The following KLHL32 variants were observed in gnomAD, a reference collection of about 807,000 sequenced individuals.
KLHL32 encodes the protein kelch like family member 32.
Under a neutral mutation model 64.8 loss-of-function variants are expected in KLHL32, and 35 were observed. The ratio of observed to expected loss-of-function variants is 0.54; its 90% CI spans 0.41 to 0.72. KLHL32 has a LOEUF of 0.72. Ranked by LOEUF, KLHL32 falls within the 30% of genes least tolerant of loss-of-function variation. The pLI is 0.00. For synonymous variants in KLHL32, 259 were observed against 281.0 expected, an observed-to-expected ratio of 0.92 and a Z score of 0.78; for missense variants, 589 against 768.5, an observed-to-expected ratio of 0.77 and a Z score of 2.76.
chr6:97,021,955 A>C (rs1166496187), intron 3 of KLHL32, among the ~76,000 whole-genome samples: 1 of 150,920 alleles, frequency 6.6e-6, no homozygotes, highest in African/African-American at 2.5e-5. Flanking sequence ...GACTGCTGGC[A>C]GGTCCCCATA....
chr6:96,987,991 A>G (rs1455816447), intron 3 of KLHL32, among the ~76,000 whole-genome samples: 1 of 152,256 alleles, frequency 6.6e-6, no homozygotes, highest in Non-Finnish European at 1.5e-5. Context: ...ACCTAAAACC[A>G]TAAAAACCCT....
intron 6 of KLHL32, among the ~76,000 whole-genome samples, chr6:97,106,666 C>T (rs1796450436): frequency 6.6e-6 from 1 of 151,700 alleles, no homozygotes. Context: ...ATCGCTTGAG[C>T]CTGGGAGGCA....
intron 6 of KLHL32, among the ~76,000 whole-genome samples, chr6:97,109,460 C>T (rs1796835691): frequency 6.6e-6 from 1 of 152,172 alleles, no homozygotes; most frequent in Admixed American, 6.5e-5. Context: ...CATCATGACA[C>T]ATGTGATGTG....
intron 1 of KLHL32, among the ~76,000 whole-genome samples, chr6:96,943,385 TAAA>T (rs72275621): frequency 1.4e-5 from 2 of 140,004 alleles, no homozygotes; most frequent in Non-Finnish European, 1.6e-5. Flanking sequence ...CAAGAAGAAG[TAAA>T]AAAAAAAAAA....
intron 10 of KLHL32, among the ~76,000 whole-genome samples, chr6:97,138,176 C>G (rs1000129765): frequency 6.6e-6 from 1 of 152,188 alleles, no homozygotes. Flanking sequence ...AAAGAATTTT[C>G]CTGCTTCAAA....
chr6:97,118,389 C>T (rs558209145), intron 7 of KLHL32, among the ~76,000 whole-genome samples: 21 of 152,220 alleles, frequency 1.4e-4, no homozygotes, highest in East Asian at 3.9e-4. Flanking sequence ...GAGGCCGAGG[C>T]GGGCGGATCG....
intron 4 of KLHL32, among the ~76,000 whole-genome samples, chr6:97,058,106 T>A (rs1788307578): frequency 1.3e-5 from 2 of 152,198 alleles, no homozygotes; most frequent in South Asian, 4.1e-4. Flanking sequence ...ATTGATCTGT[T>A]TCTCTCTTCT....
At chr6:96,928,085 A>G (rs1769382473) in intron 1 of KLHL32, among the ~76,000 whole-genome samples, 2 of 152,322 alleles carry the variant, frequency 1.3e-5, no homozygotes, top group Admixed American at 1.3e-4. Context: ...AGACATGTAC[A>G]TAATTGTGAT....
At chr6:96,970,994 G>A (rs188861057) in intron 2 of KLHL32, among the ~76,000 whole-genome samples, 33 of 152,094 alleles carry the variant, frequency 2.2e-4, no homozygotes, top group Non-Finnish European at 4.0e-4. Context: ...CCAATAGACT[G>A]AATTGAGATA....
intron 1 of KLHL32, among the ~76,000 whole-genome samples, chr6:96,964,577 C>T (rs1271539636): frequency 6.6e-6 from 1 of 152,082 alleles, no homozygotes; most frequent in South Asian, 2.1e-4. Context: ...GGCGTGAACC[C>T]GGGAGGCGGA....
At chr6:96,900,840 G>A in the KLHL32 span, among the ~76,000 whole-genome samples, 1 of 152,208 alleles carries the variant, frequency 6.6e-6, no homozygotes, top group African/African-American at 2.4e-5. Context: ...TTCTGGCAGA[G>A]GTTCTGGTGT....
chr6:96,986,576 C>A (rs953131302), intron 3 of KLHL32, among the ~76,000 whole-genome samples: 6 of 152,150 alleles, frequency 3.9e-5, no homozygotes, highest in Non-Finnish European at 7.4e-5. Flanking sequence ...CAATGGCGGG[C>A]GCCCCTCCCC....
upstream of KLHL32, among the ~76,000 whole-genome samples, chr6:96,920,688 A>G (rs888574538): frequency 6.6e-6 from 1 of 152,182 alleles, no homozygotes; most frequent in African/African-American, 2.4e-5. Flanking sequence ...TAGCTTTGAT[A>G]TCAGTCTGCA....
chr6:97,122,379 T>C (rs778595745), intron 7 of KLHL32, among the ~76,000 whole-genome samples: 5 of 152,338 alleles, frequency 3.3e-5, no homozygotes, highest in Admixed American at 6.5e-5. Flanking sequence ...CTATTCAAGA[T>C]GCTAATTTAG....
intron 3 of KLHL32, among the ~76,000 whole-genome samples, chr6:96,998,681 A>G (rs1018121280): frequency 1.3e-5 from 2 of 152,224 alleles, no homozygotes; most frequent in African/African-American, 4.8e-5. Context: ...CTTGAGGCCA[A>G]GCAAGTACTA....
intron 3 of KLHL32, among the ~76,000 whole-genome samples, chr6:96,984,472 G>C (rs1221845590): frequency 6.6e-6 from 1 of 152,168 alleles, no homozygotes; most frequent in Non-Finnish European, 1.5e-5. Context: ...TGTTGATAGT[G>C]GGATGTTAGA....
chr6:96,994,590 T>A (rs1778224166), intron 3 of KLHL32: 2 of 985,426 alleles, frequency 2.0e-6, no homozygotes, highest in Non-Finnish European at 2.4e-6. Flanking sequence ...CTTTGATGGA[T>A]CTTTTCCTTT....
At chr6:96,990,194 A>C (rs907786285) in intron 3 of KLHL32, among the ~76,000 whole-genome samples, 1 of 152,114 alleles carries the variant, frequency 6.6e-6, no homozygotes, top group Non-Finnish European at 1.5e-5. Context: ...TTTTTGTACT[A>C]GTTCTTTCTT....
chr6:96,988,525 C>T (rs1466348220), intron 3 of KLHL32, among the ~76,000 whole-genome samples: 1 of 138,758 alleles, frequency 7.2e-6, no homozygotes, highest in African/African-American at 2.5e-5. Context: ...ACTAGTTCAA[C>T]CATTGTGGAA....
Sources: gnomAD v4.1 joint callset for allele counts (sites outside exome capture counted in the v4.1 genomes callset) on GRCh38, gnomAD v4.1.1 for gene constraint, MANE v1.5 for transcripts, NCBI Gene and HGNC (gene_info 2026-07-23, HGNC 2026-07-21) for gene names.